PIP4K2C: variants seen among roughly 807,000 people sequenced by gnomAD.
PIP4K2C encodes the protein phosphatidylinositol-5-phosphate 4-kinase type 2 gamma, also known as phosphatidylinositol 5-phosphate 4-kinase type-2 gamma.
In PIP4K2C, 21 loss-of-function variants were observed where a neutral mutation model predicts 45.0. That is an observed-to-expected ratio of 0.47 (90% CI 0.33 to 0.67). The LOEUF (loss-of-function observed/expected upper bound fraction) is 0.67, where lower values mean the gene tolerates loss of function less well. Among genes scored for constraint, PIP4K2C ranks in the 30% least tolerant of loss-of-function variants. The probability of loss-of-function intolerance (pLI) is 0.02; values close to 1 mark genes in which losing one functional copy is unlikely to be tolerated. For synonymous variants in PIP4K2C, 201 were observed against 204.8 expected (o/e 0.98, Z 0.16); for missense variants, 456 against 542.8 (o/e 0.84, Z 1.59).
chr12:57,598,969 T>C (rs1883308112), intron 4 of PIP4K2C, 96 bp from the exon 5 acceptor site: 2 of 1,350,826 alleles, frequency 1.5e-6, no homozygotes, highest in Non-Finnish European at 2.1e-6. Context: ...TGAAGTCCTC[T>C]GCTCTACCCT....
chr12:57,598,292 G>A (rs1883276160), intron 4 of PIP4K2C, among the ~76,000 whole-genome samples: 1 of 152,174 alleles, frequency 6.6e-6, no homozygotes, highest in East Asian at 1.9e-4. Context: ...AGGCCGAGGT[G>A]GGCAGATTGC....
In PIP4K2C at chr12:57,600,900, C is replaced by T. The variant is rs183791984; in HGVS notation, c.903C>T (p.Pro301=). 2.4e-5 allele frequency: 39 copies of T among 1,614,190 alleles called. No individual in the cohort carries two copies. The highest frequency in any genetic ancestry group is 1.8e-4 in the Admixed American group (11 of 60,020). Residue 301 remains proline, a synonymous_variant, in exon 8 of 10, where the codon CCC becomes CCT. Transcript: ENST00000354947. ...GCTCTGAACCAGAGGAGGAAGCGCC[C>T]GTGCGGGAGGATGAGTCAGAGGTGG... ...IRGSEPEEEA[P]VREDESEVDG...
intron 5 of PIP4K2C, 84 bp downstream of exon 5, chr12:57,599,295 C>T: frequency 6.2e-7 from 1 of 1,605,412 alleles, no homozygotes; most frequent in Non-Finnish European, 8.5e-7. Flanking sequence ...TTGGATGATT[C>T]CTTTTAAGGG....
chr12:57,601,482 G>T, intron 9 of PIP4K2C, 44 bp from the exon 10 acceptor site: 2 of 1,571,920 alleles, frequency 1.3e-6, no homozygotes, highest in Non-Finnish European at 1.8e-6. Context: ...ATGGGGACGG[G>T]TGCTAGGGTG....
At position 57,595,881 on chromosome 12, in the gene PIP4K2C, TC is replaced by T. The variant is rs766084477; in HGVS notation, c.370-3del. 6.2e-7 allele frequency: 1 copy of T among 1,613,834 alleles called. No individual in the cohort carries two copies. Among genetic ancestry groups the T allele is most frequent in the Admixed American group, 1.7e-5 (1 of 59,994 alleles). The stretch of plus-strand genomic sequence containing the variant: ...GAAAAGAGCTCTGGCCTATTCTGTG[TC>T]CCCAGGTGTCCCTTACCCGAAACCC... On this transcript the variant is annotated splice_region_variant and splice_polypyrimidine_tract_variant and intron_variant, in intron 3 of 9. Coordinates refer to ENST00000354947, the MANE Select transcript of PIP4K2C (RefSeq NM_024779.5).
chr12:57,601,126 A>G (rs974676728), intron 8 of PIP4K2C, 48 bp downstream of exon 8: 1 of 1,606,086 alleles, frequency 6.2e-7, no homozygotes, highest in African/African-American at 1.3e-5. Context: ...TTTTTCCTGG[A>G]GGACAGAGAC....
intron 1 of PIP4K2C, 138 bp from the exon 2 acceptor site, chr12:57,593,887 G>T (rs1037423163): frequency 3.4e-6 from 2 of 594,858 alleles, no homozygotes; most frequent in Non-Finnish European, 5.9e-6. Flanking sequence ...TCTCACTTCT[G>T]TCAAGCATAT....
intron 4 of PIP4K2C, among the ~76,000 whole-genome samples, chr12:57,596,410 G>A (rs1023084047): frequency 4.0e-5 from 6 of 151,744 alleles, no homozygotes; most frequent in East Asian, 1.9e-4. Flanking sequence ...ACTTGAACCC[G>A]GGAAGCGGAG....
Position 57,594,027 on chromosome 12 carries a change from C to G in PIP4K2C, c.177C>G (p.Ile59Met), listed in dbSNP as rs1883085761. 1 of 1,613,436 alleles carries G rather than the reference C, an allele frequency of 6.2e-7. No individual in the cohort carries two copies. Among genetic ancestry groups the G allele is most frequent in the Non-Finnish European group, 8.5e-7 (1 of 1,179,602 alleles). Residue 59 changes from isoleucine (I) to methionine (M), a missense_variant and splice_region_variant, in exon 2 of 10, where the codon ATC becomes ATG. Coordinates refer to ENST00000354947, the MANE Select transcript of PIP4K2C (RefSeq NM_024779.5). Reference protein sequence around the residue: ...GVFLWGVAHSINELSQVPPPV... With the variant: ...GVFLWGVAHSMNELSQVPPPV... ...CTATTCATGGTTTGGCTTATCAGAT[C>G]AATGAGCTCAGCCAGGTGCCTCCCC...
At chr12:57,600,273 A>G (rs1883371507) in intron 6 of PIP4K2C, 51 bp from the exon 7 acceptor site, 1 of 1,216,376 alleles carries the variant, frequency 8.2e-7, no homozygotes, top group Non-Finnish European at 1.2e-6. Flanking sequence ...TGGGGTTCTG[A>G]GACCTTGGGG....
At chr12:57,593,675 G>GTTTTTTTTTT (rs56900742) in intron 1 of PIP4K2C, among the ~76,000 whole-genome samples, 4 of 64,048 alleles carry the variant, frequency 6.2e-5, no homozygotes, top group African/African-American at 1.5e-4. Flanking sequence ...AGCTTGCAGA[G>GTTTTTTTTTT]TTTTTTTTTT....
Position 57,601,935 on chromosome 12 carries a change from GA to G in PIP4K2C, c.*331del. On this transcript the variant is annotated 3_prime_UTR_variant, in exon 10 of 10. Transcript: ENST00000354947. ...TGTTTCTATGATATAGGAGCTAGGG[GA>G]AGGGGGTTGTTTGCCTTCTTCAGGA... 3.2e-6 allele frequency: 1 copy of G among 313,534 alleles called. No homozygotes were observed. Among genetic ancestry groups the G allele is most frequent in the Non-Finnish European group, 6.0e-6 (1 of 165,334 alleles). The allele number at this position is 313,534 out of a possible 1,614,324, so 19.4% of individuals were successfully genotyped here. A position where few individuals can be genotyped will look rare whatever the true frequency, so the allele number is the denominator to read the frequency against.
At chr12:57,594,605 A>G (rs563792347) in intron 2 of PIP4K2C, among the ~76,000 whole-genome samples, 33 of 152,324 alleles carry the variant, frequency 2.2e-4, no homozygotes, top group African/African-American at 7.9e-4. Flanking sequence ...CAACCATGTT[A>G]CTTAGGCAGG....
At chr12:57,596,388 C>T (rs573607334) in intron 4 of PIP4K2C, among the ~76,000 whole-genome samples, 2 of 151,060 alleles carry the variant, frequency 1.3e-5, no homozygotes, top group African/African-American at 4.9e-5. Context: ...AGGAGGCTAA[C>T]GCAGGAGAAT....
In PIP4K2C at chr12:57,597,543, A is replaced by G. The variant is rs1284183; in HGVS notation, c.513+1512A>G. 1.5e-3 allele frequency among the ~76,000 whole-genome samples: 234 copies of G among 152,344 alleles called. 1 individual carries two copies. The highest frequency in any genetic ancestry group is 0.014 in the Middle Eastern group (4 of 294). On this transcript the variant is annotated intron_variant, in intron 4 of 9. Transcript: ENST00000354947. ...TGTACAGAATTCAGGAAAGAGGATT[A>G]GACTGGGAGTATAGGTTTGAGAATT...
At chr12:57,601,144 C>G (rs2140194137) in intron 8 of PIP4K2C, 66 bp downstream of exon 8, 1 of 1,599,060 alleles carries the variant, frequency 6.3e-7, no homozygotes, top group South Asian at 1.1e-5. Flanking sequence ...GACCAGAGTG[C>G]TGGGGGAGAG....
intron 3 of PIP4K2C, among the ~76,000 whole-genome samples, chr12:57,595,428 G>A (rs566335807): frequency 1.3e-5 from 2 of 152,348 alleles, no homozygotes; most frequent in East Asian, 3.9e-4. Context: ...ATTTTGGCCA[G>A]GCGCTGTGGC....
intron 2 of PIP4K2C, 54 bp downstream of exon 2, chr12:57,594,176 A>G: frequency 7.1e-7 from 1 of 1,409,458 alleles, no homozygotes; most frequent in Non-Finnish European, 9.7e-7. Context: ...AGGAGTAATA[A>G]ATAATTTTAA....
rs1210730894 is a variant in PIP4K2C, at chr12:57,601,113, G to C, written c.1081+35G>C. On this transcript the variant is annotated intron_variant, in intron 8 of 9. Coordinates refer to ENST00000354947, the MANE Select transcript of PIP4K2C (RefSeq NM_024779.5). ...CCGGGACAATTTAAGGGTGGAGAGG[G>C]GATTTTTCCTGGAGGACAGAGACCA... 3 of 1,607,024 alleles carry C rather than the reference G, an allele frequency of 1.9e-6. No individual in the cohort carries two copies. The East Asian group carries it at 6.7e-5, about 36-fold the overall frequency.
Sources: allele counts gnomAD v4.1 joint callset (sites outside exome capture counted in the v4.1 genomes callset), GRCh38; gene constraint gnomAD v4.1.1; transcripts MANE v1.5; gene names NCBI Gene and HGNC (gene_info 2026-07-23, HGNC 2026-07-21).